FAR2: variants seen among roughly 807,000 people sequenced by gnomAD.
FAR2 encodes the protein epididymis secretory protein Li 81.
A neutral mutation model predicts 56.0 loss-of-function variants in FAR2; 19 were observed. That is an observed-to-expected ratio of 0.34 (90% confidence interval 0.24 to 0.50). The LOEUF (loss-of-function observed/expected upper bound fraction) is 0.50, where lower values mean the gene tolerates loss of function less well. Among genes scored for constraint, FAR2 ranks in the 20% least tolerant of loss-of-function variants. FAR2 has a pLI of 0.98. For missense variants in FAR2, 508 were observed against 642.2 expected, an observed-to-expected ratio of 0.79 and a Z score of 2.26; for synonymous variants, 219 against 218.8, an observed-to-expected ratio of 1.00 and a Z score of -0.01.
intron 9 of FAR2, among the ~76,000 whole-genome samples, chr12:29,320,176 C>T (rs1252411309): frequency 2.0e-5 from 3 of 152,188 alleles, no homozygotes; most frequent in African/African-American, 7.2e-5. Context: ...CACTGCACTA[C>T]AGCCTGGGCA....
intron 1 of FAR2, among the ~76,000 whole-genome samples, chr12:29,269,756 C>G (rs1452207531): frequency 3.9e-5 from 6 of 152,180 alleles, no homozygotes; most frequent in Admixed American, 1.3e-4. Flanking sequence ...CCTTGACTTC[C>G]CGCAACAATT....
At chr12:29,275,514 T>G (rs1221972643) in intron 2 of FAR2, among the ~76,000 whole-genome samples, 1 of 152,118 alleles carries the variant, frequency 6.6e-6, no homozygotes, top group Non-Finnish European at 1.5e-5. Flanking sequence ...TATTTCTAGT[T>G]CTAGATCCCT....
At chr12:29,289,093 T>G (rs1278015658) in intron 2 of FAR2, among the ~76,000 whole-genome samples, 1 of 152,132 alleles carries the variant, frequency 6.6e-6, no homozygotes, top group Non-Finnish European at 1.5e-5. Context: ...GAATCAATAT[T>G]GTTAAAATGT....
chr12:29,244,545 C>T (rs570464096), intron 1 of FAR2, among the ~76,000 whole-genome samples: 1 of 152,334 alleles, frequency 6.6e-6, no homozygotes, highest in Admixed American at 6.5e-5. Context: ...CCCGGCCTAG[C>T]ATTCAGCCAT....
At chr12:29,259,503 T>A (rs1387757358) in intron 1 of FAR2, among the ~76,000 whole-genome samples, 2 of 152,214 alleles carry the variant, frequency 1.3e-5, no homozygotes, top group Non-Finnish European at 2.9e-5. Context: ...TTATTTTCCA[T>A]AAGAACCACC....
intron 1 of FAR2, among the ~76,000 whole-genome samples, chr12:29,182,825 G>A (rs947824992): frequency 1.3e-5 from 2 of 152,124 alleles, no homozygotes; most frequent in African/African-American, 2.4e-5. Context: ...AGCAGCATAA[G>A]GGTTATCTAC....
Position 29,334,522 on chromosome 12 carries a change from T to G in FAR2, c.*728T>G, listed in dbSNP as rs942993812. 2 of 152,180 alleles carry G rather than the reference T, an allele frequency of 1.3e-5. No individual in the cohort carries two copies. Among genetic ancestry groups the G allele is most frequent in the Non-Finnish European group, 2.9e-5 (2 of 68,018 alleles). The allele number at this position is 152,180 out of a possible 1,614,324, so 9.4% of individuals were successfully genotyped here. On this transcript the variant is annotated 3_prime_UTR_variant, in exon 12 of 12. Coordinates refer to ENST00000536681, the MANE Select transcript of FAR2 (RefSeq NM_001271783.2). ...TTCTCAAATTCGAATTTGATAGCTA[T>G]TATTTCTAAATCTTTTTAATCCTCA...
At chr12:29,246,714 A>G (rs1325342347) in intron 1 of FAR2, among the ~76,000 whole-genome samples, 2 of 152,184 alleles carry the variant, frequency 1.3e-5, no homozygotes, top group African/African-American at 2.4e-5. Context: ...TATGTACTGT[A>G]GCTACTACTC....
intron 1 of FAR2, among the ~76,000 whole-genome samples, chr12:29,210,670 A>C (rs990821547): frequency 2.0e-5 from 3 of 152,180 alleles, no homozygotes; most frequent in Non-Finnish European, 4.4e-5. Flanking sequence ...AACTCTTGTA[A>C]AACTGTATTG....
At chr12:29,258,163 G>C (rs1948357893) in intron 1 of FAR2, among the ~76,000 whole-genome samples, 1 of 143,104 alleles carries the variant, frequency 7.0e-6, no homozygotes, top group Middle Eastern at 3.2e-3. Context: ...GACCAACAAG[G>C]TTAAACCTTG....
At chr12:29,328,748 G>C (rs1489032141) in intron 10 of FAR2, among the ~76,000 whole-genome samples, 5 of 145,396 alleles carry the variant, frequency 3.4e-5, no homozygotes, top group African/African-American at 1.0e-4. Flanking sequence ...GTTGTGGAGT[G>C]GGGGGAGGGG....
chr12:29,156,812 A>C (rs980993591), intron 1 of FAR2: 1 of 152,062 alleles, frequency 6.6e-6, no homozygotes, highest in Admixed American at 6.5e-5. Context: ...CTGCCACAGC[A>C]TAGGGGGAGA....
At position 29,311,127 on chromosome 12, in the gene FAR2, T is replaced by C. The variant is rs1949344302; in HGVS notation, c.868T>C (p.Trp290Arg). 1.9e-6 allele frequency: 3 copies of C among 1,613,200 alleles called. No homozygotes were observed. Among genetic ancestry groups the C allele is most frequent in the Non-Finnish European group, 1.7e-6 (2 of 1,179,262 alleles). The stretch of plus-strand genomic sequence containing the variant: ...CGTCAATCTCATGCTAGCTGTAGGA[T>C]GGTATACTGCAGTTCACAGGTGTGG... ...TVVNLMLAVG[W>R]YTAVHRPKST... The change falls in exon 7 of 12, where the codon TGG becomes CGG. Residue 290 changes from tryptophan (W) to arginine (R), a missense_variant. By Grantham distance (101) the Trp-to-Arg change is moderately radical (BLOSUM62 -3). Transcript: ENST00000536681.
chr12:29,275,397 C>T lies in FAR2; in HGVS notation c.189+4759C>T, dbSNP rs573541866. On this transcript the variant is annotated intron_variant, in intron 2 of 11. Transcript: ENST00000536681. ...GAATGTCATCAGTTAAGGCAGGAAC[C>T]GGCCATCTGGATGTGTACGTGCAGG... Among the ~76,000 whole-genome samples, 15 of 152,128 alleles carry T rather than the reference C, an allele frequency of 9.9e-5. No homozygotes were observed. In the South Asian group the frequency reaches 2.5e-3, roughly 25 times the overall value.
intron 1 of FAR2, among the ~76,000 whole-genome samples, chr12:29,221,626 T>C (rs1000984727): frequency 2.9e-5 from 4 of 139,914 alleles, no homozygotes; most frequent in Admixed American, 6.8e-5. Flanking sequence ...TTAGACACTT[T>C]ATTTCCTGCT....
At chr12:29,323,729 C>T (rs1175554826) in intron 10 of FAR2, among the ~76,000 whole-genome samples, 1 of 152,142 alleles carries the variant, frequency 6.6e-6, no homozygotes, top group African/African-American at 2.4e-5. Flanking sequence ...AGGACATCCA[C>T]ACCAAAAACC....
At chr12:29,203,795 C>G (rs967363349) in intron 1 of FAR2, among the ~76,000 whole-genome samples, 2 of 151,654 alleles carry the variant, frequency 1.3e-5, no homozygotes, top group Non-Finnish European at 2.9e-5. Context: ...GTCAGGAGAT[C>G]GAGACCATCC....
intron 1 of FAR2, among the ~76,000 whole-genome samples, chr12:29,194,520 G>T (rs1294044246): frequency 1.6e-5 from 1 of 61,260 alleles, no homozygotes; most frequent in Non-Finnish European, 3.5e-5. Flanking sequence ...GGCTAGTGAT[G>T]CCACACACAC....
intron 1 of FAR2, among the ~76,000 whole-genome samples, chr12:29,240,949 A>G (rs1476236103): frequency 6.6e-6 from 1 of 152,040 alleles, no homozygotes; most frequent in South Asian, 2.1e-4. Flanking sequence ...GGAATTACAG[A>G]CATGCACTAC....
Sources: gnomAD v4.1 joint callset for allele counts (sites outside exome capture counted in the v4.1 genomes callset) on GRCh38, gnomAD v4.1.1 for gene constraint, MANE v1.5 for transcripts, NCBI Gene and HGNC (gene_info 2026-07-23, HGNC 2026-07-21) for gene names.